SOX5: variants seen among roughly 807,000 people sequenced by gnomAD.
SOX5 encodes transcription factor SOX-5.
In SOX5, 9 loss-of-function variants were observed where a neutral mutation model predicts 92.0. The observed-to-expected ratio is 0.10, with a 90% CI of 0.06 to 0.17. SOX5 has a LOEUF of 0.17. Among genes scored for constraint, SOX5 ranks in the 10% least tolerant of loss-of-function variants. The pLI, the probability that SOX5 is intolerant of heterozygous loss-of-function variation, is 1.00. For synonymous variants in SOX5, 344 were observed against 336.3 expected (o/e 1.02, Z -0.25); for missense variants, 642 against 944.5 (o/e 0.68, Z 4.20).
At chr12:23,823,092 A>T (rs1364459096) in intron 3 of SOX5, among the ~76,000 whole-genome samples, 1 of 152,162 alleles carries the variant, frequency 6.6e-6, no homozygotes, top group Non-Finnish European at 1.5e-5. Flanking sequence ...GTGCCTTTTA[A>T]TTGGGCCATT....
At position 23,551,728 on chromosome 12, in the gene SOX5, G is replaced by A. The variant is rs531376936; in HGVS notation, c.1489-5304C>T. ...GAGATATGAACTCAGGGGATGGAAA[G>A]GTCCATATACATCCTCTGGTCTAGG... On this transcript the variant is annotated intron_variant, in intron 11 of 14. Coordinates refer to ENST00000451604, the MANE Select transcript of SOX5 (RefSeq NM_006940.6). Among the ~76,000 whole-genome samples, 32 of 151,690 alleles carry A rather than the reference G, an allele frequency of 2.1e-4. No homozygotes were observed. The East Asian group carries it at 5.2e-3, about 25-fold the overall frequency.
chr12:23,794,171 A>G (rs2095523566), intron 3 of SOX5, among the ~76,000 whole-genome samples: 2 of 152,116 alleles, frequency 1.3e-5, no homozygotes, highest in Non-Finnish European at 2.9e-5. Flanking sequence ...GAAGAGTTTT[A>G]TTGATTTTCT....
chr12:23,914,289 A>G (rs904975836), intron 1 of SOX5, among the ~76,000 whole-genome samples: 1 of 152,170 alleles, frequency 6.6e-6, no homozygotes, highest in Non-Finnish European at 1.5e-5. Context: ...CCACTGTTAT[A>G]AAAGTAGAAC....
chr12:23,697,006 C>T (rs1327955044), intron 6 of SOX5, among the ~76,000 whole-genome samples: 3 of 151,994 alleles, frequency 2.0e-5, no homozygotes, highest in Admixed American at 6.6e-5. Context: ...TTTAATGGCC[C>T]AGAGTGTAAT....
At chr12:23,695,714 A>G (rs896541325) in intron 6 of SOX5, among the ~76,000 whole-genome samples, 2 of 151,968 alleles carry the variant, frequency 1.3e-5, no homozygotes, top group African/African-American at 2.4e-5. Flanking sequence ...GGCCAAGGCG[A>G]GTGGATCACG....
At chr12:24,249,100 C>T (rs1436762414) in intron 3 of SOX5, among the ~76,000 whole-genome samples, 2 of 152,194 alleles carry the variant, frequency 1.3e-5, no homozygotes, top group African/African-American at 4.8e-5. Flanking sequence ...TATCCTGAAG[C>T]AGTCATTTCA....
Position 24,467,859 on chromosome 12 carries a change from C to T in SOX5, c.-251+94470G>A, listed in dbSNP as rs538930133. Among the ~76,000 whole-genome samples the T allele has an allele frequency of 2.0e-5, 3 of 152,270 alleles. No individual in the cohort carries two copies. In the East Asian group the frequency reaches 5.8e-4, roughly 29 times the overall value. ...TTTGAAAATGTCTGGCCATATGAAG[C>T]AACAGCATCTGCTTTTACTCCATGC... is the stretch of plus-strand genomic sequence containing the variant. On this transcript the variant is annotated intron_variant, in intron 1 of 4. Transcript: ENST00000446891.
intron 4 of SOX5, among the ~76,000 whole-genome samples, chr12:23,964,438 C>T (rs1054495247): frequency 4.6e-5 from 7 of 152,062 alleles, no homozygotes; most frequent in African/African-American, 1.5e-4. Flanking sequence ...ATATTTTATG[C>T]TTGTTTGAAA....
At chr12:23,611,511 T>A (rs1381723468) in intron 8 of SOX5, among the ~76,000 whole-genome samples, 10 of 152,094 alleles carry the variant, frequency 6.6e-5, no homozygotes, top group Non-Finnish European at 2.9e-5. Flanking sequence ...AGTACAGATA[T>A]CTCTTCAACA....
intron 1 of SOX5, among the ~76,000 whole-genome samples, chr12:24,414,007 C>T (rs1964578360): frequency 6.6e-6 from 1 of 152,194 alleles, no homozygotes; most frequent in Admixed American, 6.5e-5. Flanking sequence ...TAGCTTGTAG[C>T]TCTGAGTGAT....
At chr12:24,129,078 C>T (rs949110975) in intron 4 of SOX5, among the ~76,000 whole-genome samples, 1 of 152,294 alleles carries the variant, frequency 6.6e-6, no homozygotes, top group South Asian at 2.1e-4. Flanking sequence ...TCAGTCATGA[C>T]TTAACTTCAC....
chr12:24,429,044 G>A (rs918876571), intron 1 of SOX5, among the ~76,000 whole-genome samples: 3 of 152,146 alleles, frequency 2.0e-5, no homozygotes, highest in East Asian at 1.9e-4. Flanking sequence ...ATGGCCGGGC[G>A]CGGTGGCTCA....
At chr12:23,627,848 C>A (rs74624580) in intron 8 of SOX5, among the ~76,000 whole-genome samples, 6 of 150,808 alleles carry the variant, frequency 4.0e-5, no homozygotes, top group Admixed American at 3.3e-4. Flanking sequence ...AAAAAAAAAA[C>A]ACCTCAAGTC....
chr12:24,222,840 A>G (rs569714288), intron 3 of SOX5, among the ~76,000 whole-genome samples: 2 of 152,328 alleles, frequency 1.3e-5, no homozygotes, highest in African/African-American at 2.4e-5. Context: ...CAAACAATAC[A>G]TGGTATGGTG....
chr12:24,164,412 T>G (rs1053083353), intron 4 of SOX5, among the ~76,000 whole-genome samples: 1 of 152,060 alleles, frequency 6.6e-6, no homozygotes, highest in Non-Finnish European at 1.5e-5. Context: ...CTCCTAGGCA[T>G]GTAATATTCA....
At chr12:24,079,790 A>C (rs1943102545) in intron 4 of SOX5, among the ~76,000 whole-genome samples, 1 of 151,604 alleles carries the variant, frequency 6.6e-6, no homozygotes, top group South Asian at 2.1e-4. Flanking sequence ...GAGCTGGTCA[A>C]CTCTTCTTTT....
chr12:24,034,646 T>A (rs751434776), intron 4 of SOX5, among the ~76,000 whole-genome samples: 55 of 151,866 alleles, frequency 3.6e-4, no homozygotes, highest in Admixed American at 1.4e-3. Flanking sequence ...CCAACTTGAT[T>A]GAATGCAACA....
Position 23,530,938 on chromosome 12 carries a change from C to G in SOX5, c.*3281G>C, listed in dbSNP as rs1938945123. On this transcript the variant is annotated 3_prime_UTR_variant, in exon 15 of 15. Transcript: ENST00000451604. The stretch of plus-strand genomic sequence containing the variant: ...TTATGTTTTAGTTTGATCTTTTGAT[C>G]TTACTCTCATTTTCTTTATCTTTTT... 6.6e-6 allele frequency: 1 copy of G among 151,716 alleles called. No homozygotes were observed. The highest frequency in any genetic ancestry group is 1.5e-5 in the Non-Finnish European group (1 of 67,924). The allele number at this position is 151,716 out of a possible 1,614,324, so 9.4% of individuals were successfully genotyped here.
chr12:24,119,237 G>T (rs1160693533), intron 4 of SOX5, among the ~76,000 whole-genome samples: 1 of 152,054 alleles, frequency 6.6e-6, no homozygotes, highest in Non-Finnish European at 1.5e-5. Flanking sequence ...TTTGTATAAA[G>T]AATCTAAAAT....
Sources: allele counts gnomAD v4.1 joint callset (sites outside exome capture counted in the v4.1 genomes callset), GRCh38; gene constraint gnomAD v4.1.1; transcripts MANE v1.5; gene names NCBI Gene and HGNC (gene_info 2026-07-23, HGNC 2026-07-21).